The following C12orf75 variants were observed in gnomAD, a reference collection of about 807,000 sequenced individuals.
C12orf75 encodes the protein chromosome 12 open reading frame 75, also known as overexpressed in colon carcinoma 1 protein.
C12orf75 carries 4 observed loss-of-function variants against 11.4 expected under a neutral mutation model. The ratio of observed to expected loss-of-function variants is 0.35; its 90% confidence interval spans 0.17 to 0.80. The LOEUF (loss-of-function observed/expected upper bound fraction) is 0.80. Among genes scored for constraint, C12orf75 ranks in the 30% least tolerant of loss-of-function variants. The probability of loss-of-function intolerance (pLI) is 0.52; values close to 1 mark genes in which losing one functional copy is unlikely to be tolerated. For missense variants in C12orf75, 89 were observed against 80.4 expected (o/e 1.11, Z -0.41); for synonymous variants, 30 against 30.0 (o/e 1.00, Z 0.00).
chr12:105,335,681 G>C (rs994345469), intron 1 of C12orf75, among the ~76,000 whole-genome samples: 3 of 149,512 alleles, frequency 2.0e-5, no homozygotes, highest in Non-Finnish European at 4.4e-5. Flanking sequence ...ACTCACTCTT[G>C]TTTTCTCTCT....
chr12:105,348,214 A>T (rs1389636149), intron 1 of C12orf75, among the ~76,000 whole-genome samples: 1 of 152,164 alleles, frequency 6.6e-6, no homozygotes, highest in Admixed American at 6.5e-5. Flanking sequence ...CAGGAGTTGG[A>T]GAGCAGCCTG....
At chr12:105,366,365 T>C (rs1871472469) in intron 3 of C12orf75, 2 of 348,686 alleles carry the variant, frequency 5.7e-6, no homozygotes, top group Non-Finnish European at 1.0e-5. Context: ...AGTCTTTTCT[T>C]CTTTCTCATT....
At chr12:105,338,310 G>A (rs1892521156) in intron 1 of C12orf75, among the ~76,000 whole-genome samples, 1 of 152,054 alleles carries the variant, frequency 6.6e-6, no homozygotes, top group South Asian at 2.1e-4. Context: ...GAGTAGCTGG[G>A]ATTACAGGCA....
intron 1 of C12orf75, among the ~76,000 whole-genome samples, chr12:105,337,564 C>T (rs1892512290): frequency 6.6e-6 from 1 of 152,008 alleles, no homozygotes; most frequent in African/African-American, 2.4e-5. Flanking sequence ...AAAGTCAGTT[C>T]CCAGGAAAGG....
At chr12:105,344,971 C>A (rs933345599) in intron 1 of C12orf75, among the ~76,000 whole-genome samples, 2 of 149,594 alleles carry the variant, frequency 1.3e-5, no homozygotes, top group Non-Finnish European at 3.0e-5. Flanking sequence ...TAAGCCCCCC[C>A]CCAACCAATT....
intron 3 of C12orf75, chr12:105,366,121 C>A: frequency 2.4e-6 from 1 of 422,270 alleles, no homozygotes. Flanking sequence ...GGATGACTTC[C>A]CTTCATTCTC....
At chr12:105,341,799 C>T (rs1041301374) in intron 1 of C12orf75, among the ~76,000 whole-genome samples, 2 of 152,144 alleles carry the variant, frequency 1.3e-5, no homozygotes, top group Admixed American at 6.5e-5. Flanking sequence ...TGTAGTAATC[C>T]CCACATGTCA....
intron 2 of C12orf75, chr12:105,353,406 C>G (rs1478927834): frequency 6.6e-6 from 1 of 152,166 alleles, no homozygotes; most frequent in East Asian, 1.9e-4. Flanking sequence ...GTTCCTATCT[C>G]GGAATCAGTC....
At chr12:105,342,946 T>G (rs530267873) in intron 1 of C12orf75, among the ~76,000 whole-genome samples, 56 of 152,342 alleles carry the variant, frequency 3.7e-4, no homozygotes, top group African/African-American at 1.3e-3. Flanking sequence ...TGTTAAAATC[T>G]TCTGAAATGT....
chr12:105,331,200 G>T (rs1033566122), intron 1 of C12orf75, among the ~76,000 whole-genome samples: 3 of 151,894 alleles, frequency 2.0e-5, no homozygotes, highest in African/African-American at 7.2e-5. Context: ...CCCTGCAGCC[G>T]CCGGGGCTCA....
chr12:105,360,192 G>T (rs959677932), intron 2 of C12orf75, among the ~76,000 whole-genome samples: 1 of 152,212 alleles, frequency 6.6e-6, no homozygotes, highest in African/African-American at 2.4e-5. Context: ...GCTGGGGAGG[G>T]TGTGGCTCTG....
At chr12:105,350,095 C>CTG (rs1211049600) in intron 2 of C12orf75, among the ~76,000 whole-genome samples, 2 of 152,188 alleles carry the variant, frequency 1.3e-5, no homozygotes. Flanking sequence ...GTGAATACTG[C>CTG]ACCCTGACCG....
At chr12:105,353,789 C>T (rs1450024959) in intron 2 of C12orf75, among the ~76,000 whole-genome samples, 1 of 152,116 alleles carries the variant, frequency 6.6e-6, no homozygotes, top group Non-Finnish European at 1.5e-5. Context: ...ACCATAGCTA[C>T]TCAATGTAAA....
intron 1 of C12orf75, among the ~76,000 whole-genome samples, chr12:105,336,580 CATTCA>C (rs1357934334): frequency 1.3e-5 from 2 of 152,188 alleles, no homozygotes; most frequent in African/African-American, 4.8e-5. Context: ...GAAGTGGCAT[CATTCA>C]CAGCTGCTGT....
At chr12:105,338,178 T>TTATTTATTTA (rs1210178670) in intron 1 of C12orf75, among the ~76,000 whole-genome samples, 1 of 152,052 alleles carries the variant, frequency 6.6e-6, no homozygotes, top group East Asian at 1.9e-4. Context: ...TTTCATTTAT[T>TTATTTATTTA]TATTTATTTA....
chr12:105,361,559 A>G (rs886975641), intron 2 of C12orf75, among the ~76,000 whole-genome samples: 1 of 152,206 alleles, frequency 6.6e-6, no homozygotes, highest in Non-Finnish European at 1.5e-5. Context: ...TAGACTTTTT[A>G]GACTATGGAG....
chr12:105,359,451 C>T (rs1892829143), intron 2 of C12orf75, among the ~76,000 whole-genome samples: 1 of 152,028 alleles, frequency 6.6e-6, no homozygotes, highest in Non-Finnish European at 1.5e-5. Context: ...TTGTGCCCTC[C>T]ACCCCAGGAG....
chr12:105,332,726 C>T lies in C12orf75; in HGVS notation c.46+1789C>T, dbSNP rs1368530216. On this transcript the variant is annotated intron_variant, in intron 1 of 5. Transcript: ENST00000443585. ...AACCTGGGCAACAAGAGTGGAACTC[C>T]GCTCCATCTAAAAAAAAAAAAAAAG... 2.3e-5 allele frequency among the ~76,000 whole-genome samples: 3 copies of T among 128,444 alleles called. No individual in the cohort carries two copies. The Admixed American group carries it at 2.5e-4, about 11-fold the overall frequency. The allele number at this position is 128,444 out of a possible 152,430, so 84.3% of individuals were successfully genotyped here. A position where few individuals can be genotyped will look rare whatever the true frequency, so the allele number is the denominator to read the frequency against.
At chr12:105,337,979 C>G (rs1394646534) in intron 1 of C12orf75, among the ~76,000 whole-genome samples, 2 of 152,112 alleles carry the variant, frequency 1.3e-5, no homozygotes, top group South Asian at 2.1e-4. Context: ...GAAAAAAAAC[C>G]TATGAAATTA....
Sources: allele counts gnomAD v4.1 joint callset (sites outside exome capture counted in the v4.1 genomes callset), GRCh38; gene constraint gnomAD v4.1.1; transcripts MANE v1.5; gene names NCBI Gene and HGNC (gene_info 2026-07-23, HGNC 2026-07-21).